SEPTIN6: variants seen among roughly 807,000 people sequenced by gnomAD.
SEPTIN6 encodes septin 6, also known as septin-6.
Under a neutral mutation model 33.6 loss-of-function variants are expected in SEPTIN6, and 8 were observed. The ratio of observed to expected loss-of-function variants is 0.24; its 90% confidence interval spans 0.14 to 0.43. The LOEUF (loss-of-function observed/expected upper bound fraction) is 0.43, where lower values mean the gene tolerates loss of function less well. SEPTIN6 is among the 20% of genes least tolerant of loss of function. The pLI is 1.00. For synonymous variants in SEPTIN6, 131 were observed against 140.0 expected (o/e 0.94, Z 0.45); for missense variants, 250 against 340.8 (o/e 0.73, Z 2.10).
At chrX:119,640,129 T>A (rs981513619) in intron 6 of SEPTIN6, among the ~76,000 whole-genome samples, 6 of 104,141 alleles carry the variant, frequency 5.8e-5, no homozygotes, top group Admixed American at 3.1e-4. Context: ...GTAGTTTTTT[T>A]AAATCCCTTA....
intron 4 of SEPTIN6, 107 bp from the exon 5 acceptor site, chrX:119,650,205 G>T: frequency 1.3e-6 from 1 of 756,785 alleles, no homozygotes; most frequent in Non-Finnish European, 2.0e-6. Flanking sequence ...CAGCCCAGTG[G>T]TCAAAGACTG....
At chrX:119,678,514 G>A (rs1407274316) in intron 1 of SEPTIN6, among the ~76,000 whole-genome samples, 3 of 103,871 alleles carry the variant, frequency 2.9e-5, no homozygotes, top group African/African-American at 1.1e-4. Flanking sequence ...GCGAGACTCC[G>A]TCTCAAAAAA....
At chrX:119,640,054 C>T (rs1244621128) in intron 6 of SEPTIN6, among the ~76,000 whole-genome samples, 6 of 108,160 alleles carry the variant, frequency 5.5e-5, no homozygotes, top group African/African-American at 1.4e-4. Flanking sequence ...TCAGGTGATC[C>T]GCCTTCTTCG....
At chrX:119,664,925 G>T (rs1208797377) in intron 2 of SEPTIN6, among the ~76,000 whole-genome samples, 1 of 107,804 alleles carries the variant, frequency 9.3e-6, no homozygotes, top group Admixed American at 1.0e-4. Context: ...TCCCTGCCAG[G>T]CCTAAACAGC....
At chrX:119,667,782 C>T (rs1442006388) in intron 2 of SEPTIN6, among the ~76,000 whole-genome samples, 1 of 110,030 alleles carries the variant, frequency 9.1e-6, no homozygotes, top group Admixed American at 9.7e-5. Flanking sequence ...CTTGGCAATT[C>T]GATTCCAGCA....
At chrX:119,678,469 G>A (rs1456613414) in intron 1 of SEPTIN6, among the ~76,000 whole-genome samples, 3 of 108,556 alleles carry the variant, frequency 2.8e-5, no homozygotes, top group Non-Finnish European at 3.8e-5. Flanking sequence ...GCAGTGAGCC[G>A]AGATCGCGCC....
intron 1 of SEPTIN6, among the ~76,000 whole-genome samples, chrX:119,690,723 C>CAAAA (rs772333455): frequency 3.5e-4 from 8 of 23,031 alleles, no homozygotes; most frequent in Non-Finnish European, 4.5e-4. Flanking sequence ...GACTCCGTCT[C>CAAAA]AAAAAAAAAA....
At chrX:119,635,427 T>C (rs771624991) in intron 7 of SEPTIN6, among the ~76,000 whole-genome samples, 2 of 110,642 alleles carry the variant, frequency 1.8e-5, no homozygotes, top group Non-Finnish European at 3.8e-5. Flanking sequence ...GAGCAGAGGC[T>C]CTAGGAAAGA....
At position 119,618,165 on chromosome X, in the gene SEPTIN6, A is replaced by ATTC. The variant is rs2053695112; in HGVS notation, c.*1927_*1928insGAA. The stretch of plus-strand genomic sequence containing the variant: ...AGCTACTGGCTGAGTATCTGAGCAG[A>ATTC]TTTTTTTTTTTTTTTTTTTGGTCGT... On this transcript the variant is annotated 3_prime_UTR_variant, in exon 11 of 11. Transcript: ENST00000394610. 1 of 447,528 alleles carries ATTC rather than the reference A, an allele frequency of 2.2e-6. No homozygotes were observed. Among genetic ancestry groups the ATTC allele is most frequent in the Non-Finnish European group, 2.7e-6 (1 of 373,549 alleles). 36.9% of individuals were successfully genotyped at this position (447,528 alleles called of 1,213,427 possible).
chrX:119,665,979 G>C (rs776023280), intron 2 of SEPTIN6, among the ~76,000 whole-genome samples: 11 of 109,764 alleles, frequency 1.0e-4, no homozygotes, highest in African/African-American at 3.3e-4. Context: ...CTACTTGGGA[G>C]GCTGAGGCAG....
At chrX:119,649,854 G>A (rs893102610) in intron 5 of SEPTIN6, 83 bp downstream of exon 5, 4 of 1,023,930 alleles carry the variant, frequency 3.9e-6, no homozygotes, top group Middle Eastern at 5.1e-4. Context: ...CTGGGCAACA[G>A]AGCAAGACCC....
At chrX:119,657,805 G>A (rs2054472621) in intron 3 of SEPTIN6, among the ~76,000 whole-genome samples, 1 of 111,867 alleles carries the variant, frequency 8.9e-6, no homozygotes, top group Non-Finnish European at 1.9e-5. Flanking sequence ...GAGCCACCGC[G>A]CTTAACCTAA....
intron 5 of SEPTIN6, among the ~76,000 whole-genome samples, chrX:119,645,236 C>CTTT (rs757199588): frequency 1.1e-4 from 8 of 71,175 alleles, no homozygotes; most frequent in East Asian, 3.9e-4. Flanking sequence ...AAGGCCCTAC[C>CTTT]TTTTTTTTTT....
intron 2 of SEPTIN6, among the ~76,000 whole-genome samples, chrX:119,671,769 A>C (rs757228728): frequency 1.8e-5 from 2 of 111,039 alleles, no homozygotes; most frequent in East Asian, 5.8e-4. Context: ...TGTGTCTCAA[A>C]AGAAAAGAAA....
intron 2 of SEPTIN6, among the ~76,000 whole-genome samples, chrX:119,667,964 A>T (rs1314494836): frequency 8.9e-6 from 1 of 111,996 alleles, no homozygotes; most frequent in East Asian, 2.8e-4. Flanking sequence ...TTTAAAAAAA[A>T]TTAAAACATA....
intron 1 of SEPTIN6, among the ~76,000 whole-genome samples, chrX:119,687,256 T>C (rs2055071964): frequency 9.6e-6 from 1 of 104,388 alleles, no homozygotes; most frequent in South Asian, 5.1e-4. Flanking sequence ...GTCTTTTTTT[T>C]TTTTTCTTTT....
chrX:119,687,434 A>G (rs2055077934), intron 1 of SEPTIN6, among the ~76,000 whole-genome samples: 1 of 110,197 alleles, frequency 9.1e-6, no homozygotes, highest in African/African-American at 3.3e-5. Context: ...AATTTTTAGT[A>G]GAGATGGGGT....
chrX:119,665,547 G>C (rs144372538), intron 2 of SEPTIN6, among the ~76,000 whole-genome samples: 74 of 112,102 alleles, frequency 6.6e-4, no homozygotes, highest in Admixed American at 2.2e-3. Context: ...TGGCAGACTG[G>C]TGAAGGTTTT....
At chrX:119,676,524 C>T (rs1017971605) in intron 1 of SEPTIN6, among the ~76,000 whole-genome samples, 4 of 111,131 alleles carry the variant, frequency 3.6e-5, no homozygotes, top group Non-Finnish European at 7.5e-5. Context: ...AATCCCAACA[C>T]TTTGGGAGGC....
Sources: allele counts gnomAD v4.1 joint callset (sites outside exome capture counted in the v4.1 genomes callset), GRCh38; gene constraint gnomAD v4.1.1; transcripts MANE v1.5; gene names NCBI Gene and HGNC (gene_info 2026-07-23, HGNC 2026-07-21).